ESRRB: variants seen among roughly 807,000 people sequenced by gnomAD.
ESRRB encodes the protein estrogen related receptor beta, also known as steroid hormone receptor ERR2.
ESRRB carries 16 observed loss-of-function variants against 46.0 expected under a neutral mutation model. That is an observed-to-expected ratio of 0.35 (90% CI 0.24 to 0.53). ESRRB has a LOEUF of 0.53. Among genes scored for constraint, ESRRB ranks in the 20% least tolerant of loss-of-function variants. The pLI is 0.93. For synonymous variants in ESRRB, 246 were observed against 259.6 expected (o/e 0.95, Z 0.50); for missense variants, 488 against 607.4 (o/e 0.80, Z 2.07).
chr14:76,485,402 T>C (rs1183526094), intron 5 of ESRRB, among the ~76,000 whole-genome samples: 1 of 151,440 alleles, frequency 6.6e-6, no homozygotes, highest in Non-Finnish European at 1.5e-5. Flanking sequence ...CACCCCTGGC[T>C]AATTTTTTTT....
intron 6 of ESRRB, 30 bp from the exon 7 acceptor site, chr14:76,498,184 G>A (rs1890505041): frequency 6.2e-7 from 1 of 1,613,268 alleles, no homozygotes; most frequent in South Asian, 1.1e-5. Flanking sequence ...CCCTGGCCAA[G>A]CCTGCTAATG....
chr14:76,325,244 C>T (rs530949340), intron 1 of ESRRB, among the ~76,000 whole-genome samples: 1 of 152,336 alleles, frequency 6.6e-6, no homozygotes, highest in African/African-American at 2.4e-5. Flanking sequence ...GCGTGAGCCA[C>T]TGCACCCAGC....
chr14:76,470,611 C>T (rs1889341250), intron 3 of ESRRB, among the ~76,000 whole-genome samples: 1 of 152,222 alleles, frequency 6.6e-6, no homozygotes, highest in Admixed American at 6.5e-5. Flanking sequence ...GTGTACCCAG[C>T]TAAAACGTTG....
At chr14:76,385,220 A>AT (rs1885174932) in intron 1 of ESRRB, among the ~76,000 whole-genome samples, 1 of 151,476 alleles carries the variant, frequency 6.6e-6, no homozygotes, top group Non-Finnish European at 1.5e-5. Flanking sequence ...CAGGAAAAAA[A>AT]AAAAAAAACA....
intron 2 of ESRRB, among the ~76,000 whole-genome samples, chr14:76,460,054 A>T (rs1475611304): frequency 6.6e-6 from 1 of 152,242 alleles, no homozygotes; most frequent in Non-Finnish European, 1.5e-5. Context: ...CAATACAGTT[A>T]GGCACATTGA....
In ESRRB at chr14:76,391,228, G is replaced by A. The variant is rs535748627; in HGVS notation, c.50+14777G>A. Among the ~76,000 whole-genome samples the A allele has an allele frequency of 3.9e-5, 6 of 152,336 alleles. No individual in the cohort carries two copies. The South Asian group carries it at 6.2e-4, about 16-fold the overall frequency. ...AGAGGCCAGGAAAGAGCAAGAGTGC[G>A]TTTGGGCTTTTCTAGACTCCTCCGT... On this transcript the variant is annotated intron_variant, in intron 1 of 6. Transcript: ENST00000644823.
At chr14:76,493,566 T>C (rs1293627611) in intron 6 of ESRRB, among the ~76,000 whole-genome samples, 1 of 152,220 alleles carries the variant, frequency 6.6e-6, no homozygotes, top group Non-Finnish European at 1.5e-5. Flanking sequence ...CTATTAATGA[T>C]AGAGGATACA....
intron 1 of ESRRB, among the ~76,000 whole-genome samples, chr14:76,319,688 G>A (rs977239449): frequency 2.6e-5 from 4 of 152,170 alleles, no homozygotes; most frequent in African/African-American, 9.7e-5. Flanking sequence ...CCACAAGATG[G>A]ATATGAGTCC....
At chr14:76,320,862 T>C (rs1883858548) in intron 1 of ESRRB, among the ~76,000 whole-genome samples, 1 of 152,180 alleles carries the variant, frequency 6.6e-6, no homozygotes, top group South Asian at 2.1e-4. Flanking sequence ...GTTTCCTGAA[T>C]GCCAGCCTTA....
chr14:76,480,659 G>A, intron 3 of ESRRB, among the ~76,000 whole-genome samples: 1 of 152,036 alleles, frequency 6.6e-6, no homozygotes, highest in East Asian at 1.9e-4. Flanking sequence ...TGAATCCGGG[G>A]GACTGGCAGC....
intron 1 of ESRRB, among the ~76,000 whole-genome samples, chr14:76,423,925 TG>T (rs1190672813): frequency 6.6e-6 from 1 of 151,884 alleles, no homozygotes; most frequent in Non-Finnish European, 1.5e-5. Flanking sequence ...TGACAGAGGT[TG>T]GGGGGCAGAT....
chr14:76,426,624 G>A (rs1027022083), intron 1 of ESRRB, among the ~76,000 whole-genome samples: 12 of 152,074 alleles, frequency 7.9e-5, no homozygotes, highest in African/African-American at 2.2e-4. Flanking sequence ...GGTACAGCTC[G>A]GAGTCAATGA....
chr14:76,481,011 G>A (rs546324164), intron 3 of ESRRB, among the ~76,000 whole-genome samples: 14 of 152,348 alleles, frequency 9.2e-5, no homozygotes, highest in East Asian at 7.7e-4. Context: ...AAGAAGGAAC[G>A]TTGTCTGAGG....
At chr14:76,450,209 G>A (rs928878562) in intron 2 of ESRRB, among the ~76,000 whole-genome samples, 5 of 152,100 alleles carry the variant, frequency 3.3e-5, no homozygotes, top group Admixed American at 2.6e-4. Context: ...TTTAAAGGAA[G>A]CTGAAGCTCA....
chr14:76,428,503 C>T (rs1887296523), intron 1 of ESRRB, among the ~76,000 whole-genome samples: 1 of 152,160 alleles, frequency 6.6e-6, no homozygotes, highest in Non-Finnish European at 1.5e-5. Flanking sequence ...GAGCCCAGAG[C>T]TGGCCAAGGC....
chr14:76,360,487 T>C (rs904409716), intron 1 of ESRRB, among the ~76,000 whole-genome samples: 1 of 151,990 alleles, frequency 6.6e-6, no homozygotes, highest in African/African-American at 2.4e-5. Context: ...CTAGAACCCA[T>C]GAAATCAAGT....
At chr14:76,432,819 C>T (rs1887512801) in intron 1 of ESRRB, among the ~76,000 whole-genome samples, 2 of 151,272 alleles carry the variant, frequency 1.3e-5, no homozygotes, top group East Asian at 3.9e-4. Context: ...GGACTACAGG[C>T]GCATGCCACC....
intron 2 of ESRRB, among the ~76,000 whole-genome samples, chr14:76,446,113 G>C (rs543753432): frequency 3.9e-5 from 6 of 152,314 alleles, no homozygotes; most frequent in Admixed American, 6.5e-5. Flanking sequence ...ATCAAGTTTT[G>C]TTGGAATACA....
rs893961471 is a variant in ESRRB at position 76,408,861 on chromosome 14, A to G, written c.51-30480A>G. Among the ~76,000 whole-genome samples, 4 of 152,320 alleles carry G rather than the reference A, an allele frequency of 2.6e-5. No individual in the cohort carries two copies. The South Asian group carries it at 8.3e-4, about 32-fold the overall frequency. ...TGTGGAGAAGTAAGAGCTCACTTCC[A>G]TTGAGCGCTTCATTTCAACCAGGCA... is the stretch of plus-strand genomic sequence containing the variant. On this transcript the variant is annotated intron_variant, in intron 1 of 6. Coordinates refer to ENST00000644823, the MANE Select transcript of ESRRB (RefSeq NM_001379180.1).
Sources: gnomAD v4.1 joint callset for allele counts (sites outside exome capture counted in the v4.1 genomes callset) on GRCh38, gnomAD v4.1.1 for gene constraint, MANE v1.5 for transcripts, NCBI Gene and HGNC (gene_info 2026-07-23, HGNC 2026-07-21) for gene names.